The following FGGY variants were observed in gnomAD, a reference collection of about 807,000 sequenced individuals.
FGGY encodes FGGY carbohydrate kinase domain-containing protein.
FGGY carries 72 observed loss-of-function variants against 71.3 expected under a neutral mutation model. The ratio of observed to expected loss-of-function variants is 1.01; its 90% CI spans 0.84 to 1.23. The LOEUF is 1.23. Ranked by LOEUF, FGGY falls within the 50% of genes most tolerant of loss-of-function variation. The pLI, the probability that FGGY is intolerant of heterozygous loss-of-function variation, is 0.00. For synonymous variants in FGGY, 251 were observed against 250.3 expected, an observed-to-expected ratio of 1.00 and a Z score of -0.02; for missense variants, 668 against 682.3, an observed-to-expected ratio of 0.98 and a Z score of 0.23.
At chr1:59,298,378 G>T (rs2042279276) in intron 1 of FGGY, among the ~76,000 whole-genome samples, 1 of 152,160 alleles carries the variant, frequency 6.6e-6, no homozygotes, top group African/African-American at 2.4e-5. Flanking sequence ...TCAATTTTGA[G>T]GGGGAGGGAG....
rs186027882 is a variant in FGGY, at chr1:59,335,848, T to C, written c.202-4110T>C. 2.5e-3 allele frequency among the ~76,000 whole-genome samples: 382 copies of C among 152,338 alleles called. 2 individuals carry two copies. The highest frequency in any genetic ancestry group is 3.9e-3 in the Non-Finnish European group (268 of 68,030). ...TCCACATCTTTTGCCAATGTTATCATTGGGTTGTTTTTCCTCTTATTATTT... is the reference window on the plus strand; with the variant it reads ...TCCACATCTTTTGCCAATGTTATCACTGGGTTGTTTTTCCTCTTATTATTT... On this transcript the variant is annotated intron_variant, in intron 2 of 15. Coordinates refer to ENST00000303721, the MANE Select transcript of FGGY (RefSeq NM_018291.5).
At chr1:59,305,933 C>T (rs545383629) in intron 1 of FGGY, among the ~76,000 whole-genome samples, 2 of 152,314 alleles carry the variant, frequency 1.3e-5, no homozygotes, top group Non-Finnish European at 2.9e-5. Context: ...TTTTTGTTCT[C>T]CACAGACTTT....
chr1:59,603,678 C>T (rs943412544), intron 8 of FGGY, among the ~76,000 whole-genome samples: 3 of 152,114 alleles, frequency 2.0e-5, no homozygotes, highest in Admixed American at 6.5e-5. Flanking sequence ...GCCTTTGTCC[C>T]GACCCATAGT....
At chr1:59,606,061 G>C (rs982159716) in intron 8 of FGGY, among the ~76,000 whole-genome samples, 1 of 151,990 alleles carries the variant, frequency 6.6e-6, no homozygotes, top group African/African-American at 2.4e-5. Flanking sequence ...TGAACACATG[G>C]TCTATCCCCA....
intron 14 of FGGY, among the ~76,000 whole-genome samples, chr1:59,726,827 C>T (rs76270192): frequency 0.014 from 2,144 of 151,972 alleles, 60 homozygotes; most frequent in African/African-American, 0.049. Context: ...CTATTGCTTT[C>T]CTGTGTTTAA....
chr1:59,465,665 A>T (rs1441971586), intron 6 of FGGY, among the ~76,000 whole-genome samples: 1 of 152,270 alleles, frequency 6.6e-6, no homozygotes, highest in Non-Finnish European at 1.5e-5. Flanking sequence ...AAGTCTCAGG[A>T]TACAAAGTCA....
chr1:59,737,776 G>A (rs2098117898), intron 14 of FGGY, among the ~76,000 whole-genome samples: 1 of 152,162 alleles, frequency 6.6e-6, no homozygotes, highest in East Asian at 1.9e-4. Flanking sequence ...ATGCCAAAAC[G>A]AGTTAAGACT....
At chr1:59,328,611 C>T (rs1047172265) in intron 2 of FGGY, among the ~76,000 whole-genome samples, 1 of 152,228 alleles carries the variant, frequency 6.6e-6, no homozygotes, top group African/African-American at 2.4e-5. Flanking sequence ...TTTGCATTCA[C>T]AGCTTGACTA....
intron 9 of FGGY, among the ~76,000 whole-genome samples, chr1:59,608,812 G>C (rs1333555499): frequency 6.6e-6 from 1 of 152,098 alleles, no homozygotes; most frequent in African/African-American, 2.4e-5. Flanking sequence ...ACTTCAGCCT[G>C]GGCGACAAGA....
chr1:59,464,747 A>G (rs1012048551), intron 6 of FGGY, among the ~76,000 whole-genome samples: 6 of 152,232 alleles, frequency 3.9e-5, no homozygotes, highest in African/African-American at 1.2e-4. Context: ...AAACACCTCT[A>G]TGCAAATAAA....
At chr1:59,607,141 C>T (rs2096631634) in intron 8 of FGGY, among the ~76,000 whole-genome samples, 2 of 152,222 alleles carry the variant, frequency 1.3e-5, no homozygotes, top group South Asian at 4.1e-4. Context: ...CTAGGTGAGT[C>T]TGATGATCTG....
At chr1:59,389,015 T>C (rs916869684) in intron 5 of FGGY, among the ~76,000 whole-genome samples, 1 of 152,140 alleles carries the variant, frequency 6.6e-6, no homozygotes, top group Non-Finnish European at 1.5e-5. Flanking sequence ...TGTCGTAATT[T>C]TGGCTCACTG....
chr1:59,745,787 C>A (rs915052716), intron 14 of FGGY, among the ~76,000 whole-genome samples: 1 of 152,128 alleles, frequency 6.6e-6, no homozygotes, highest in Non-Finnish European at 1.5e-5. Context: ...TAGAGCCAGA[C>A]AGGGCACATG....
chr1:59,400,913 A>G (rs1040457159), intron 5 of FGGY, among the ~76,000 whole-genome samples: 2 of 152,038 alleles, frequency 1.3e-5, no homozygotes, highest in African/African-American at 2.4e-5. Flanking sequence ...CTTGGGATTA[A>G]AGGCATGAGC....
chr1:59,571,869 T>C (rs1375638796), intron 8 of FGGY, among the ~76,000 whole-genome samples: 2 of 152,086 alleles, frequency 1.3e-5, no homozygotes, highest in East Asian at 3.9e-4. Context: ...ATTTCATTCA[T>C]AGAAAATTCA....
At chr1:59,633,507 C>T (rs1243279958) in intron 10 of FGGY, among the ~76,000 whole-genome samples, 1 of 152,048 alleles carries the variant, frequency 6.6e-6, no homozygotes, top group African/African-American at 2.4e-5. Flanking sequence ...TCATAAGATG[C>T]CTGTTCCTTT....
At chr1:59,490,513 T>C (rs1385398950) in intron 6 of FGGY, among the ~76,000 whole-genome samples, 2 of 152,192 alleles carry the variant, frequency 1.3e-5, no homozygotes, top group Non-Finnish European at 2.9e-5. Context: ...CAGAAGCTTG[T>C]TAGTTTGACA....
At chr1:59,615,640 A>G (rs1419546735) in intron 9 of FGGY, among the ~76,000 whole-genome samples, 1 of 152,228 alleles carries the variant, frequency 6.6e-6, no homozygotes, top group African/African-American at 2.4e-5. Flanking sequence ...GCCAAAATTG[A>G]CAAATGAGAT....
intron 6 of FGGY, among the ~76,000 whole-genome samples, chr1:59,468,963 T>G (rs2092795794): frequency 6.6e-6 from 1 of 150,908 alleles, no homozygotes; most frequent in Non-Finnish European, 1.5e-5. Context: ...CAGAGCCACC[T>G]CAGGCAAGGG....
Sources: gnomAD v4.1 joint callset for allele counts (sites outside exome capture counted in the v4.1 genomes callset) on GRCh38, gnomAD v4.1.1 for gene constraint, MANE v1.5 for transcripts, NCBI Gene and HGNC (gene_info 2026-07-23, HGNC 2026-07-21) for gene names.